LDLRAD3: variants seen among roughly 807,000 people sequenced by gnomAD.
The protein encoded by LDLRAD3 is low density lipoprotein receptor class A domain containing 3.
Under a neutral mutation model 29.4 loss-of-function variants are expected in LDLRAD3, and 20 were observed. That is an observed-to-expected ratio of 0.68 (90% confidence interval 0.48 to 0.99). LDLRAD3 has a LOEUF of 0.99. Ranked by LOEUF, LDLRAD3 falls within the 50% of genes least tolerant of loss-of-function variation. The pLI is 0.00. For synonymous variants in LDLRAD3, 157 were observed against 192.7 expected (o/e 0.81, Z 1.53); for missense variants, 420 against 454.3 (o/e 0.92, Z 0.69).
intron 4 of LDLRAD3, among the ~76,000 whole-genome samples, chr11:36,175,380 A>G (rs770716766): frequency 9.6e-4 from 146 of 151,676 alleles, no homozygotes; most frequent in Non-Finnish European, 1.8e-3. Flanking sequence ...TTGTTTCTCT[A>G]GTTCCTTTAG....
chr11:35,974,733 T>C (rs1336921302), intron 1 of LDLRAD3, among the ~76,000 whole-genome samples: 1 of 152,158 alleles, frequency 6.6e-6, no homozygotes, highest in East Asian at 1.9e-4. Flanking sequence ...AGAGAAGGAC[T>C]CCAGCATGAT....
intron 4 of LDLRAD3, among the ~76,000 whole-genome samples, chr11:36,117,190 A>T (rs886636553): frequency 6.6e-6 from 1 of 152,072 alleles, no homozygotes; most frequent in Non-Finnish European, 1.5e-5. Context: ...AAAAGTTGTG[A>T]GGTAGAATCT....
intron 2 of LDLRAD3, among the ~76,000 whole-genome samples, chr11:36,046,338 G>A (rs1024966339): frequency 5.3e-5 from 8 of 152,108 alleles, no homozygotes; most frequent in African/African-American, 1.9e-4. Flanking sequence ...GTGGAACTGA[G>A]AGTCCAATAA....
At position 36,021,737 on chromosome 11, in the gene LDLRAD3, G is replaced by A. The variant is rs536191958; in HGVS notation, c.47-14366G>A. ...GCTCACTGCAACCTCTGCCTGCCGG[G>A]CTCAAGTGATCCTCCCACCTCAGCC... is the stretch of plus-strand genomic sequence containing the variant. On this transcript the variant is annotated intron_variant, in intron 1 of 5. Transcript: ENST00000315571. Among the ~76,000 whole-genome samples the A allele has an allele frequency of 9.2e-5, 14 of 152,298 alleles. No individual in the cohort carries two copies. In the Middle Eastern group the frequency reaches 0.01, roughly 111 times the overall value.
chr11:36,083,820 G>A (rs1367171548), intron 3 of LDLRAD3, among the ~76,000 whole-genome samples: 3 of 150,554 alleles, frequency 2.0e-5, no homozygotes, highest in Non-Finnish European at 2.9e-5. Context: ...CAAGTATGAC[G>A]CATTATAGTA....
intron 4 of LDLRAD3, among the ~76,000 whole-genome samples, chr11:36,192,213 A>T (rs1237134233): frequency 6.6e-6 from 1 of 152,188 alleles, no homozygotes; most frequent in Non-Finnish European, 1.5e-5. Context: ...CGCTGGTAGG[A>T]ACAATTGGTC....
intron 4 of LDLRAD3, among the ~76,000 whole-genome samples, chr11:36,204,459 T>C (rs1855176077): frequency 2.0e-5 from 3 of 151,864 alleles, no homozygotes; most frequent in Admixed American, 2.0e-4. Context: ...CTTTGGCATG[T>C]TGGGTTTTTC....
intron 1 of LDLRAD3, among the ~76,000 whole-genome samples, chr11:36,027,458 T>C (rs775311571): frequency 4.6e-5 from 7 of 152,220 alleles, no homozygotes; most frequent in African/African-American, 1.7e-4. Context: ...TTATATCTAT[T>C]GATGATTAGG....
chr11:35,948,631 TTAA>T (rs1356806622), intron 1 of LDLRAD3, among the ~76,000 whole-genome samples: 1 of 152,202 alleles, frequency 6.6e-6, no homozygotes, highest in East Asian at 1.9e-4. Flanking sequence ...GGCTTGATGT[TTAA>T]TACATCTTAA....
intron 1 of LDLRAD3, among the ~76,000 whole-genome samples, chr11:35,974,937 T>C (rs1423125730): frequency 6.6e-6 from 1 of 152,212 alleles, no homozygotes; most frequent in Non-Finnish European, 1.5e-5. Flanking sequence ...ATATACCTGC[T>C]TCTGTGACCC....
Position 36,047,216 on chromosome 11 carries a change from G to A in LDLRAD3, c.193+10967G>A, listed in dbSNP as rs2173554. 5.9e-5 allele frequency among the ~76,000 whole-genome samples: 9 copies of A among 152,148 alleles called. 2 individuals are homozygous for A. The highest frequency in any genetic ancestry group is 2.2e-4 in the African/African-American group (9 of 41,508). ...ACACTAAAAACAATAATTAGTTGTCGGTGTTTATAAAGCAAGAGCTTGCAC... is the reference window on the plus strand; with the variant it reads ...ACACTAAAAACAATAATTAGTTGTCAGTGTTTATAAAGCAAGAGCTTGCAC... On this transcript the variant is annotated intron_variant, in intron 2 of 5. Transcript: ENST00000315571.
chr11:36,138,882 A>G (rs770467738), intron 4 of LDLRAD3, among the ~76,000 whole-genome samples: 4 of 152,238 alleles, frequency 2.6e-5, no homozygotes, highest in Non-Finnish European at 5.9e-5. Context: ...ATAGGGTAAC[A>G]TGTAATCCCT....
intron 1 of LDLRAD3, among the ~76,000 whole-genome samples, chr11:35,958,748 G>C (rs991583377): frequency 6.6e-6 from 1 of 152,102 alleles, no homozygotes; most frequent in Non-Finnish European, 1.5e-5. Flanking sequence ...GATATTCAAG[G>C]GTTGGGGAAG....
intron 1 of LDLRAD3, among the ~76,000 whole-genome samples, chr11:35,964,987 C>G (rs1454773980): frequency 6.4e-5 from 7 of 109,720 alleles, no homozygotes; most frequent in Non-Finnish European, 1.3e-4. Context: ...AAGACTGTCT[C>G]CAAAAAAAAA....
At chr11:35,989,643 T>A (rs372823298) in intron 1 of LDLRAD3, among the ~76,000 whole-genome samples, 5 of 152,314 alleles carry the variant, frequency 3.3e-5, no homozygotes, top group African/African-American at 7.2e-5. Context: ...GTATGTATTT[T>A]ATTTGTTAAT....
Position 36,185,457 on chromosome 11 carries a change from C to T in LDLRAD3, c.455-41628C>T, listed in dbSNP as rs151257087. Among the ~76,000 whole-genome samples, 421 of 152,294 alleles carry T rather than the reference C, an allele frequency of 2.8e-3. 4 individuals carry two copies. Among genetic ancestry groups the T allele is most frequent in the African/African-American group, 9.5e-3 (395 of 41,566 alleles). On this transcript the variant is annotated intron_variant, in intron 4 of 5. Transcript: ENST00000315571. Reference sequence around the variant, plus strand: ...GAACTTGGGCTAGTCTTCCCTGTCACGATCACCATGTGCCTCTAGACAATA... The same window carrying T: ...GAACTTGGGCTAGTCTTCCCTGTCATGATCACCATGTGCCTCTAGACAATA...
rs564067907 is a variant in LDLRAD3 at position 36,142,991 on chromosome 11, C to T, written c.454+44530C>T. The stretch of plus-strand genomic sequence containing the variant: ...TTGAAAAAGGAGCCAAATTGGTGAA[C>T]CTTTTCATTAATATACATAACAAAC... On this transcript the variant is annotated intron_variant, in intron 4 of 5. Coordinates refer to ENST00000315571, the MANE Select transcript of LDLRAD3 (RefSeq NM_174902.4). Among the ~76,000 whole-genome samples, 33 of 152,300 alleles carry T rather than the reference C, an allele frequency of 2.2e-4. 1 individual carries two copies. In the South Asian group the frequency reaches 6.4e-3, roughly 30 times the overall value.
intron 1 of LDLRAD3, among the ~76,000 whole-genome samples, chr11:35,990,660 C>T (rs912210470): frequency 2.6e-5 from 4 of 151,932 alleles, no homozygotes; most frequent in African/African-American, 9.7e-5. Flanking sequence ...AAATGATCTG[C>T]CTGCCTCGGC....
At chr11:36,220,629 A>C (rs935007082) in intron 4 of LDLRAD3, among the ~76,000 whole-genome samples, 4 of 152,252 alleles carry the variant, frequency 2.6e-5, no homozygotes, top group Admixed American at 1.3e-4. Flanking sequence ...TTGTTTTTAC[A>C]TACTGTAGGA....
Sources: gnomAD v4.1 joint callset for allele counts (sites outside exome capture counted in the v4.1 genomes callset) on GRCh38, gnomAD v4.1.1 for gene constraint, MANE v1.5 for transcripts, NCBI Gene and HGNC (gene_info 2026-07-23, HGNC 2026-07-21) for gene names.